Variants in FAM135A observed in about 807,000 individuals in gnomAD.
FAM135A encodes protein FAM135A.
FAM135A carries 79 observed loss-of-function variants against 146.8 expected under a neutral mutation model. The observed-to-expected ratio is 0.54, with a 90% CI of 0.45 to 0.65. The LOEUF (loss-of-function observed/expected upper bound fraction) is 0.65, where lower values mean the gene tolerates loss of function less well. Ranked by LOEUF, FAM135A falls within the 30% of genes least tolerant of loss-of-function variation. FAM135A has a pLI of 0.00. For synonymous variants in FAM135A, 562 were observed against 603.6 expected (o/e 0.93, Z 1.01); for missense variants, 1,623 against 1,758.2 (o/e 0.92, Z 1.38).
intron 2 of FAM135A, among the ~76,000 whole-genome samples, chr6:70,426,128 CA>C (rs34238314): frequency 7.5e-5 from 11 of 146,240 alleles, no homozygotes; most frequent in African/African-American, 1.8e-4. Context: ...AAAACAACAA[CA>C]AAAAAAAAAT....
chr6:70,463,111 CT>C (rs1337714946), intron 5 of FAM135A, among the ~76,000 whole-genome samples: 2 of 152,226 alleles, frequency 1.3e-5, no homozygotes, highest in Non-Finnish European at 1.5e-5. Flanking sequence ...AATGGAACTA[CT>C]TTCAGTTTCT....
chr6:70,457,205 G>C (rs962974136), intron 5 of FAM135A, among the ~76,000 whole-genome samples: 8 of 152,126 alleles, frequency 5.3e-5, no homozygotes, highest in Admixed American at 3.3e-4. Context: ...TTTGTCTTTA[G>C]TAATTTATGA....
At chr6:70,462,182 T>A (rs1779566173) in intron 5 of FAM135A, among the ~76,000 whole-genome samples, 1 of 152,236 alleles carries the variant, frequency 6.6e-6, no homozygotes, top group Admixed American at 6.5e-5. Context: ...ATAGCTCCTT[T>A]CCATCTTTTC....
At chr6:70,494,571 A>G (rs1470745320) in intron 11 of FAM135A, among the ~76,000 whole-genome samples, 2 of 152,020 alleles carry the variant, frequency 1.3e-5, no homozygotes, top group Non-Finnish European at 2.9e-5. Flanking sequence ...AGATCTTGCC[A>G]AACTTAATTC....
At chr6:70,423,684 T>C (rs759701192) in intron 2 of FAM135A, among the ~76,000 whole-genome samples, 3 of 152,212 alleles carry the variant, frequency 2.0e-5, no homozygotes, top group Non-Finnish European at 2.9e-5. Context: ...TTGGGAAATA[T>C]AGTCTCAGGC....
At chr6:70,430,142 G>A (rs1230015435) in intron 4 of FAM135A, among the ~76,000 whole-genome samples, 6 of 152,114 alleles carry the variant, frequency 3.9e-5, no homozygotes, top group East Asian at 3.9e-4. Context: ...TTCGAGACCA[G>A]CCTGGCCAAC....
chr6:70,452,342 A>AT lies in FAM135A; in HGVS notation c.78-140dup, dbSNP rs958322940. 7.2e-3 allele frequency: 4,016 copies of AT among 557,542 alleles called. 1 individual carries two copies. The highest frequency in any genetic ancestry group is 9.2e-3 in the South Asian group (384 of 41,966). 34.5% of individuals were successfully genotyped at this position (557,542 alleles called of 1,614,324 possible). The stretch of plus-strand genomic sequence containing the variant: ...TGTTTATATTTGATATGTAAGCCTG[A>AT]TTTTTTTTTTCCAACAATAGTAAAT... On this transcript the variant is annotated intron_variant, in intron 4 of 21. Transcript: ENST00000418814.
intron 21 of FAM135A, among the ~76,000 whole-genome samples, chr6:70,558,188 G>A (rs536409479): frequency 4.1e-4 from 63 of 152,300 alleles, no homozygotes; most frequent in African/African-American, 1.5e-3. Context: ...AGAGGTGGGA[G>A]TAAAAAGTTT....
chr6:70,468,027 G>A (rs917926005), intron 5 of FAM135A, among the ~76,000 whole-genome samples: 9 of 152,132 alleles, frequency 5.9e-5, no homozygotes, highest in Admixed American at 5.9e-4. Flanking sequence ...ACTTGTCTGA[G>A]CCTCATTTTA....
chr6:70,514,701 T>C (rs1032533432), intron 12 of FAM135A, among the ~76,000 whole-genome samples: 15 of 138,070 alleles, frequency 1.1e-4, no homozygotes, highest in Non-Finnish European at 1.8e-4. Flanking sequence ...TAGGAAAACT[T>C]CTAATTGATG....
At chr6:70,558,878 A>G (rs1021866340) in intron 21 of FAM135A, among the ~76,000 whole-genome samples, 2 of 152,294 alleles carry the variant, frequency 1.3e-5, no homozygotes, top group Middle Eastern at 3.4e-3. Context: ...AAATAAACCT[A>G]TAGACCAAAC....
intron 12 of FAM135A, among the ~76,000 whole-genome samples, chr6:70,517,408 C>CT (rs1252310367): frequency 7.1e-6 from 1 of 141,682 alleles, no homozygotes; most frequent in Non-Finnish European, 1.5e-5. Context: ...GTGTGCACGT[C>CT]TTTTTCCTTT....
intron 4 of FAM135A, among the ~76,000 whole-genome samples, chr6:70,444,710 T>C (rs1229210377): frequency 1.3e-5 from 2 of 152,238 alleles, no homozygotes; most frequent in African/African-American, 4.8e-5. Context: ...ATAATGTGTA[T>C]ATTTGCTTTT....
chr6:70,464,785 G>A lies in FAM135A; in HGVS notation c.158-10625G>A, dbSNP rs1339922814. ...CAGTTCAAGCGATTCGCCCATCTCA[G>A]ACTCCCAAGTAGCTGGGATTATAGG... On this transcript the variant is annotated intron_variant, in intron 5 of 21. Transcript: ENST00000418814. Among the ~76,000 whole-genome samples, 4 of 139,024 alleles carry A rather than the reference G, an allele frequency of 2.9e-5. No individual in the cohort carries two copies. In the East Asian group the frequency reaches 8.6e-4, roughly 30 times the overall value. The allele number at this position is 139,024 out of a possible 152,430, so 91.2% of individuals were successfully genotyped here. A position where few individuals can be genotyped will look rare whatever the true frequency, so the allele number is the denominator to read the frequency against.
intron 4 of FAM135A, among the ~76,000 whole-genome samples, chr6:70,431,851 GT>G (rs1771719419): frequency 6.6e-6 from 1 of 151,934 alleles, no homozygotes; most frequent in Non-Finnish European, 1.5e-5. Context: ...AACCATTACT[GT>G]TTATAAAATA....
intron 11 of FAM135A, among the ~76,000 whole-genome samples, chr6:70,496,496 T>C (rs1376658176): frequency 6.6e-6 from 1 of 152,212 alleles, no homozygotes; most frequent in Non-Finnish European, 1.5e-5. Context: ...GCAGAAGCTC[T>C]TTAGTTTAAT....
chr6:70,554,284 T>C (rs1244770062), intron 20 of FAM135A, among the ~76,000 whole-genome samples: 1 of 152,218 alleles, frequency 6.6e-6, no homozygotes, highest in Non-Finnish European at 1.5e-5. Context: ...TTGGACTTAC[T>C]TGGAGAAGAT....
intron 20 of FAM135A, among the ~76,000 whole-genome samples, chr6:70,554,981 T>G (rs1223267793): frequency 6.6e-6 from 1 of 152,208 alleles, no homozygotes; most frequent in Non-Finnish European, 1.5e-5. Flanking sequence ...AATTACAGAT[T>G]TAGCTCATTC....
At chr6:70,557,650 T>G (rs1380283667) in intron 21 of FAM135A, 1 of 139,278 alleles carries the variant, frequency 7.2e-6, no homozygotes, top group Non-Finnish European at 1.5e-5. Context: ...GCCAAGATCA[T>G]GCTGTTGCAC....
Sources: allele counts gnomAD v4.1 joint callset (sites outside exome capture counted in the v4.1 genomes callset), GRCh38; gene constraint gnomAD v4.1.1; transcripts MANE v1.5; gene names NCBI Gene and HGNC (gene_info 2026-07-23, HGNC 2026-07-21).